PIWIL1: variants seen among roughly 807,000 people sequenced by gnomAD.
PIWIL1 encodes the protein piwi-like protein 1.
A neutral mutation model predicts 114.4 loss-of-function variants in PIWIL1; 73 were observed. The ratio of observed to expected loss-of-function variants is 0.64; its 90% confidence interval spans 0.53 to 0.78. The LOEUF (loss-of-function observed/expected upper bound fraction) is 0.78. Ranked by LOEUF, PIWIL1 falls within the 30% of genes least tolerant of loss-of-function variation. The pLI is 0.00. For missense variants in PIWIL1, 723 were observed against 1,063.1 expected (o/e 0.68, Z 4.45); for synonymous variants, 375 against 369.0 (o/e 1.02, Z -0.19).
chr12:130,424,276 T>A, the PIWIL1 span: 1 of 1,231,748 alleles, frequency 8.1e-7, no homozygotes, highest in Non-Finnish European at 1.0e-6. The surrounding 1 kb of genome is among the most constrained non-coding windows in gnomAD (Gnocchi z 9.8). Flanking sequence ...CCGTGCTTCC[T>A]GGGGGGCGGC....
intron 19 of PIWIL1, among the ~76,000 whole-genome samples, chr12:130,368,860 G>T (rs373749904): frequency 6.6e-6 from 1 of 151,736 alleles, no homozygotes; most frequent in African/African-American, 2.4e-5. Flanking sequence ...GATGCTATTC[G>T]GACACCTGGA....
chr12:130,412,694 C>T, the PIWIL1 span: 1 of 1,613,872 alleles, frequency 6.2e-7, no homozygotes, highest in Non-Finnish European at 8.5e-7. Context: ...TCATCATCTG[C>T]TTGTATCTCA....
At chr12:130,413,853 T>C in the PIWIL1 span, among the ~76,000 whole-genome samples, 1 of 152,152 alleles carries the variant, frequency 6.6e-6, no homozygotes, top group South Asian at 2.1e-4. Flanking sequence ...GTGTTATTTT[T>C]CTCAACAACG....
rs150503681 is a variant in PIWIL1 at position 130,368,596 on chromosome 12, A to T, written c.2321+1338A>T. ...TAGAAGGATTCTAGCCTATTGGGGA[A>T]AAATTGGCTAGAAAGACAAAAGAAG... is the stretch of plus-strand genomic sequence containing the variant. On this transcript the variant is annotated intron_variant, in intron 19 of 20. Coordinates refer to ENST00000245255, the MANE Select transcript of PIWIL1 (RefSeq NM_004764.5). Among the ~76,000 whole-genome samples the T allele has an allele frequency of 4.1e-3, 628 of 152,294 alleles. 3 individuals carry two copies. Among genetic ancestry groups the T allele is most frequent in the Non-Finnish European group, 6.0e-3 (405 of 68,028 alleles).
intron 4 of PIWIL1, 34 bp downstream of exon 4, chr12:130,345,912 C>T: frequency 6.2e-7 from 1 of 1,607,452 alleles, no homozygotes; most frequent in Non-Finnish European, 8.5e-7. Flanking sequence ...TGTGAGATTA[C>T]ATCTCAGGAA....
rs182690795 is a variant in PIWIL1 at position 130,356,538 on chromosome 12, A to G, written c.1405-380A>G. On this transcript the variant is annotated intron_variant, in intron 12 of 20. Coordinates refer to ENST00000245255, the MANE Select transcript of PIWIL1 (RefSeq NM_004764.5). Reference sequence around the variant, plus strand: ...TGTTTTTGTAGCTTGCTTGCGGCATATAACACCTCAGTCAAGTTGTTTTAC... The same window carrying G: ...TGTTTTTGTAGCTTGCTTGCGGCATGTAACACCTCAGTCAAGTTGTTTTAC... Among the ~76,000 whole-genome samples, 247 of 152,280 alleles carry G rather than the reference A, an allele frequency of 1.6e-3. 1 individual carries two copies. The highest frequency in any genetic ancestry group is 5.8e-3 in the African/African-American group (239 of 41,550).
chr12:130,397,695 G>T, the PIWIL1 span: 2 of 393,750 alleles, frequency 5.1e-6, no homozygotes, highest in Non-Finnish European at 9.0e-6. Flanking sequence ...GCCATGAGAA[G>T]CAAAGGTCCT....
rs11060843 is a variant in PIWIL1 at position 130,366,108 on chromosome 12, C to G, written c.2196-1025C>G. 9.1e-4 allele frequency among the ~76,000 whole-genome samples: 138 copies of G among 152,286 alleles called. 3 individuals carry two copies. The East Asian group carries it at 0.025, about 27-fold the overall frequency. On this transcript the variant is annotated intron_variant, in intron 18 of 20. Transcript: ENST00000245255. ...CCCTCTGCTTCCCAGCATTGGAAATCAAGTGTATCTGTCCTCTTAAGGAAC... is the reference window on the plus strand; with the variant it reads ...CCCTCTGCTTCCCAGCATTGGAAATGAAGTGTATCTGTCCTCTTAAGGAAC...
At chr12:130,392,219 G>A in the PIWIL1 span, among the ~76,000 whole-genome samples, 108 of 111,972 alleles carry the variant, frequency 9.6e-4, no homozygotes, top group Admixed American at 1.5e-3. Context: ...GTTACCCAGT[G>A]AATATTGAAC....
At chr12:130,405,285 C>G in the PIWIL1 span, among the ~76,000 whole-genome samples, 1 of 152,158 alleles carries the variant, frequency 6.6e-6, no homozygotes, top group Non-Finnish European at 1.5e-5. Context: ...ATATCCTCAC[C>G]AAAGGCAAAT....
At chr12:130,339,823 C>T (rs766371876) in intron 1 of PIWIL1, 1 of 152,194 alleles carries the variant, frequency 6.6e-6, no homozygotes, top group East Asian at 1.9e-4. Context: ...CTCCCCACCC[C>T]GTAATTTCTG....
chr12:130,422,569 C>A, the PIWIL1 span: 1 of 1,585,662 alleles, frequency 6.3e-7, no homozygotes, highest in Non-Finnish European at 8.6e-7. This position sits in a 1 kb window ranked among gnomAD's most constrained non-coding sequence, Gnocchi z 5.2. Flanking sequence ...AATCTAAAGA[C>A]AAAACAACAA....
At chr12:130,382,383 C>T in the PIWIL1 span, among the ~76,000 whole-genome samples, 1 of 152,230 alleles carries the variant, frequency 6.6e-6, no homozygotes, top group Admixed American at 6.5e-5. Flanking sequence ...CTGAGTTCTC[C>T]TCATTGCTGC....
the PIWIL1 span, chr12:130,425,101 C>T: frequency 2.7e-6 from 1 of 370,014 alleles, no homozygotes; most frequent in Non-Finnish European, 4.8e-6. Flanking sequence ...GCGGGCCGGG[C>T]AGGAGCCAGC....
At chr12:130,409,770 C>T in the PIWIL1 span, among the ~76,000 whole-genome samples, 1 of 152,086 alleles carries the variant, frequency 6.6e-6, no homozygotes, top group African/African-American at 2.4e-5. Context: ...GGGGCGCCTT[C>T]GTTCTGTTTC....
chr12:130,386,459 C>A, the PIWIL1 span, among the ~76,000 whole-genome samples: 1 of 118,112 alleles, frequency 8.5e-6, no homozygotes, highest in Non-Finnish European at 1.8e-5. Context: ...TGTCTCCATT[C>A]ACCCATGCAC....
intron 9 of PIWIL1, among the ~76,000 whole-genome samples, chr12:130,350,841 G>T (rs1042207288): frequency 6.6e-6 from 1 of 152,140 alleles, no homozygotes; most frequent in African/African-American, 2.4e-5. Context: ...TGCATGGAAA[G>T]TATGCATCTT....
downstream of PIWIL1, among the ~76,000 whole-genome samples, chr12:130,376,071 T>TAAC (rs72139709): frequency 0.17 from 26,280 of 152,120 alleles, 2,964 homozygotes; most frequent in Non-Finnish European, 0.24. Flanking sequence ...GACTCATTTG[T>TAAC]ATGAAGATGC....
chr12:130,362,799 A>T lies in PIWIL1; in HGVS notation c.2004A>T (p.Gly668=). 1 of 1,614,162 alleles carries T rather than the reference A, an allele frequency of 6.2e-7. No homozygotes were observed. The highest frequency in any genetic ancestry group is 8.5e-7 in the Non-Finnish European group (1 of 1,180,014). ...CACGCTGCATATTTCAGGATAGAGG[A>T]CAGGAGCTGGTAGATGGGCTCAAAG... ...WFSRCIFQDR[G]QELVDGLKVC... is the part of the protein sequence containing the mutation. Residue 668 remains glycine (G), a synonymous_variant, in exon 17 of 21, where the codon GGA becomes GGT. Transcript: ENST00000245255.
Sources: gnomAD v4.1 joint callset for allele counts (sites outside exome capture counted in the v4.1 genomes callset) on GRCh38, gnomAD v4.1.1 for gene constraint, Gnocchi (gnomAD v3.1) non-coding constraint, MANE v1.5 for transcripts, NCBI Gene and HGNC (gene_info 2026-07-23, HGNC 2026-07-21) for gene names.